The following HSPG2 variants were observed in gnomAD, a reference collection of about 807,000 sequenced individuals.
HSPG2 encodes basement membrane-specific heparan sulfate proteoglycan core protein.
A neutral mutation model predicts 526.6 loss-of-function variants in HSPG2; 278 were observed. That is an observed-to-expected ratio of 0.53 (90% CI 0.48 to 0.58). HSPG2 has a LOEUF of 0.58. Ranked by LOEUF, HSPG2 falls within the 20% of genes least tolerant of loss-of-function variation. HSPG2 has a pLI of 0.00. For synonymous variants in HSPG2, 2,465 were observed against 2,555.4 expected (o/e 0.96, Z 1.07); for missense variants, 5,354 against 6,099.5 (o/e 0.88, Z 4.07).
rs559254400 is a variant in HSPG2, at chr1:21,872,632, G to A, written c.4017C>T (p.Tyr1339=). The change falls in exon 32 of 97, where the codon TAC becomes TAT. Residue 1339 remains tyrosine, a synonymous_variant. Transcript: ENST00000374695. The surrounding 1 kb of genome is among the most constrained non-coding windows in gnomAD (Gnocchi z 5.5). ...CACAGGCTCTCACCAGGTGGCGTGTGTAGGCAGAGCTGGCGCACTGCTGGG... is the reference window on the plus strand; with the variant it reads ...CACAGGCTCTCACCAGGTGGCGTGTATAGGCAGAGCTGGCGCACTGCTGGG... ...GITQQCASSA[Y]TRHLISTHFA... is the part of the protein sequence containing the mutation. 16 of 1,589,784 alleles carry A rather than the reference G, an allele frequency of 1.0e-5. No individual in the cohort carries two copies. In the Admixed American group the frequency reaches 2.9e-4, roughly 29 times the overall value.
chr1:21,930,820 C>T (rs573699146), intron 1 of HSPG2, among the ~76,000 whole-genome samples: 47 of 152,140 alleles, frequency 3.1e-4, no homozygotes, highest in African/African-American at 1.1e-3. Flanking sequence ...ATAGAAGATG[C>T]TCCACAGATA....
chr1:21,905,161 C>T (rs1439078127), intron 1 of HSPG2, among the ~76,000 whole-genome samples: 1 of 134,392 alleles, frequency 7.4e-6, no homozygotes, highest in African/African-American at 2.8e-5. Context: ...CACACACACC[C>T]ACCACCCACC....
intron 17 of HSPG2, among the ~76,000 whole-genome samples, chr1:21,879,485 A>G (rs1013687732): frequency 4.6e-5 from 7 of 152,046 alleles, no homozygotes; most frequent in Non-Finnish European, 7.4e-5. Flanking sequence ...CAGCTCCACA[A>G]TCCCAGCTCT....
intron 33 of HSPG2, among the ~76,000 whole-genome samples, chr1:21,870,547 G>A (rs1009775259): frequency 2.6e-5 from 4 of 152,222 alleles, no homozygotes; most frequent in African/African-American, 7.2e-5. Context: ...GGGAACCCGG[G>A]GGGCTAGATA....
chr1:21,829,984 T>C lies in HSPG2; in HGVS notation c.11770+9A>G, dbSNP rs768545327. ...GGACCCTGGGGGTCTCAGGCCTGGCTCCCCTCACCTTCCTCACACCGCAAC... is the reference window on the plus strand; with the variant it reads ...GGACCCTGGGGGTCTCAGGCCTGGCCCCCCTCACCTTCCTCACACCGCAAC... On this transcript the variant is annotated intron_variant, in intron 86 of 96. Coordinates refer to ENST00000374695, the MANE Select transcript of HSPG2 (RefSeq NM_005529.7). The C allele has an allele frequency of 6.2e-7, 1 of 1,601,328 alleles. No homozygotes were observed. Among genetic ancestry groups the C allele is most frequent in the Non-Finnish European group, 8.5e-7 (1 of 1,174,160 alleles).
At chr1:21,841,698 GA>G (rs2098049166) in intron 69 of HSPG2, 25 bp from the exon 70 acceptor site, 1 of 1,613,596 alleles carries the variant, frequency 6.2e-7, no homozygotes, top group Admixed American at 1.7e-5. Flanking sequence ...GGGGGAGGGT[GA>G]GAGAGGATTG....
chr1:21,857,457 T>TC (rs1639432179), intron 42 of HSPG2, 72 bp from the exon 43 acceptor site: 1 of 1,332,794 alleles, frequency 7.5e-7, no homozygotes, highest in African/African-American at 1.4e-5. Flanking sequence ...TTTGTCTTTC[T>TC]CCATAACCTC....
chr1:21,884,750 C>T lies in HSPG2; in HGVS notation c.1507+17G>A. 2 of 1,613,036 alleles carry T rather than the reference C, an allele frequency of 1.2e-6. No individual in the cohort carries two copies. Among genetic ancestry groups the T allele is most frequent in the Non-Finnish European group, 1.7e-6 (2 of 1,179,862 alleles). ...GCTCTGCCCCCACACCCGGTGACAC[C>T]TGCCCTCCGGCAGTACCTCGTTGTG... On this transcript the variant is annotated intron_variant, in intron 12 of 96. Transcript: ENST00000374695.
At position 21,859,882 on chromosome 1, in the gene HSPG2, C is replaced by T. The variant is rs771218611; in HGVS notation, c.5135G>A (p.Arg1712His). The change falls in exon 41 of 97, where the codon CGT becomes CAT. Residue 1712 changes from arginine to histidine, a missense_variant. Physicochemically the swap from Arg to His is conservative, Grantham distance 29. Coordinates refer to ENST00000374695, the MANE Select transcript of HSPG2 (RefSeq NM_005529.7). The surrounding 1 kb of genome is among the most constrained non-coding windows in gnomAD (Gnocchi z 5.3). ...GSPPHYFYWS[R>H]EDGRPVPSGT... Reference sequence around the variant, plus strand: ...GCTGGGCACAGGCCGCCCATCCTCACGGGACCAATAGAAGTAGTGGGGTGG... The same window carrying T: ...GCTGGGCACAGGCCGCCCATCCTCATGGGACCAATAGAAGTAGTGGGGTGG... The T allele has an allele frequency of 1.1e-5, 18 of 1,611,096 alleles. No individual in the cohort carries two copies. The highest frequency in any genetic ancestry group is 1.6e-4 in the Middle Eastern group (1 of 6,078).
intron 80 of HSPG2, 71 bp from the exon 81 acceptor site, chr1:21,832,677 C>T: frequency 8.5e-7 from 1 of 1,169,948 alleles, no homozygotes. Flanking sequence ...ACCCTAGAAA[C>T]CACCCAAGCT....
intron 14 of HSPG2, among the ~76,000 whole-genome samples, 179 bp from the exon 15 acceptor site, chr1:21,881,014 A>G (rs945713131): frequency 6.6e-6 from 1 of 152,148 alleles, no homozygotes; most frequent in Non-Finnish European, 1.5e-5. Flanking sequence ...CCCTGACTCT[A>G]GGGTGTTTGG....
At chr1:21,910,571 C>T (rs1254990993) in intron 1 of HSPG2, among the ~76,000 whole-genome samples, 2 of 152,206 alleles carry the variant, frequency 1.3e-5, no homozygotes, top group Non-Finnish European at 2.9e-5. Context: ...AGTGTCTCTC[C>T]AGCCACTTTG....
At chr1:21,851,187 G>T in intron 55 of HSPG2, 1 of 335,124 alleles carries the variant, frequency 3.0e-6, no homozygotes, top group South Asian at 2.8e-5. Context: ...TGGCCAGGCT[G>T]GTCTCGAACT....
chr1:21,851,955 G>C (rs1557717173), intron 53 of HSPG2, 29 bp from the exon 54 acceptor site: 2 of 1,604,226 alleles, frequency 1.2e-6, no homozygotes, highest in Non-Finnish European at 1.7e-6. Context: ...AGGTGTGAGG[G>C]GGGCTTCCCG....
intron 91 of HSPG2, among the ~76,000 whole-genome samples, chr1:21,825,756 T>C (rs533100197): frequency 9.6e-4 from 146 of 152,166 alleles, no homozygotes; most frequent in Admixed American, 3.7e-3. Flanking sequence ...AACAACCCTA[T>C]GAATGAATAT....
At position 21,888,027 on chromosome 1, in the gene HSPG2, G is replaced by C; in HGVS notation, c.614C>G (p.Ala205Gly). ...CACACACTCATTGTAGCTGTGGCAG[G>C]CAAACTCGGCCTCCGTGCAGGCTCT... Reference protein sequence around the residue: ...FPRACTEAEFACHSYNECVAL... With the variant: ...FPRACTEAEFGCHSYNECVAL... The change falls in exon 7 of 97, where the codon GCC becomes GGC. Residue 205 changes from alanine to glycine, a missense_variant. Ala to Gly is a moderately conservative substitution (Grantham distance 60, BLOSUM62 0). Coordinates refer to ENST00000374695, the MANE Select transcript of HSPG2 (RefSeq NM_005529.7). 1 of 1,614,142 alleles carries C rather than the reference G, an allele frequency of 6.2e-7. No individual in the cohort carries two copies. Among genetic ancestry groups the C allele is most frequent in the Non-Finnish European group, 8.5e-7 (1 of 1,180,034 alleles).
intron 1 of HSPG2, among the ~76,000 whole-genome samples, chr1:21,910,140 G>A (rs1007027095): frequency 1.3e-5 from 2 of 152,260 alleles, no homozygotes; most frequent in Non-Finnish European, 2.9e-5. Context: ...CCTCCATGGC[G>A]ATGTTGGTTC....
At chr1:21,925,676 C>A (rs1644169837) in intron 1 of HSPG2, among the ~76,000 whole-genome samples, 2 of 152,132 alleles carry the variant, frequency 1.3e-5, no homozygotes, top group South Asian at 4.1e-4. Flanking sequence ...AGACATGCAG[C>A]CTCCTATAAC....
intron 1 of HSPG2, among the ~76,000 whole-genome samples, chr1:21,910,016 C>T (rs1643579819): frequency 6.6e-6 from 1 of 152,228 alleles, no homozygotes; most frequent in African/African-American, 2.4e-5. Context: ...GGCCTTCCTG[C>T]CTGAGCCAGA....
Sources: allele counts gnomAD v4.1 joint callset (sites outside exome capture counted in the v4.1 genomes callset), GRCh38; gene constraint gnomAD v4.1.1; non-coding constraint Gnocchi (gnomAD v3.1); transcripts MANE v1.5; gene names NCBI Gene and HGNC (gene_info 2026-07-23, HGNC 2026-07-21).